Variants in DOCK7 observed in about 807,000 individuals in gnomAD.
DOCK7 encodes dedicator of cytokinesis 7, also known as dedicator of cytokinesis protein 7.
DOCK7 carries 138 observed loss-of-function variants against 271.0 expected under a neutral mutation model. That is an observed-to-expected ratio of 0.51 (90% CI 0.44 to 0.59). The LOEUF (loss-of-function observed/expected upper bound fraction) is 0.59. DOCK7 is among the 20% of genes least tolerant of loss of function. The pLI is 0.00. For synonymous variants in DOCK7, 823 were observed against 876.1 expected (o/e 0.94, Z 1.07); for missense variants, 2,066 against 2,592.4 (o/e 0.80, Z 4.41).
intron 20 of DOCK7, among the ~76,000 whole-genome samples, chr1:62,556,683 A>T (rs1403225571): frequency 1.3e-5 from 2 of 152,224 alleles, no homozygotes; most frequent in African/African-American, 2.4e-5. Flanking sequence ...ATAAATGGGT[A>T]AACTGAACAG....
intron 15 of DOCK7, chr1:62,584,700 G>A: frequency 8.1e-7 from 1 of 1,241,070 alleles, no homozygotes; most frequent in Admixed American, 2.5e-5. Context: ...CAGGAGTCAA[G>A]ATATAGACAT....
At chr1:62,643,587 G>A (rs981585434) in intron 7 of DOCK7, among the ~76,000 whole-genome samples, 1 of 151,914 alleles carries the variant, frequency 6.6e-6, no homozygotes, top group Non-Finnish European at 1.5e-5. Flanking sequence ...ACTATGTTTA[G>A]TCTGGATATG....
chr1:62,630,046 C>T (rs1222672405), intron 11 of DOCK7, among the ~76,000 whole-genome samples: 8 of 152,188 alleles, frequency 5.3e-5, no homozygotes, highest in Admixed American at 5.2e-4. Context: ...CACCCGACAG[C>T]AGTAACTTAA....
intron 22 of DOCK7, among the ~76,000 whole-genome samples, chr1:62,549,398 T>C (rs1251802021): frequency 6.6e-6 from 1 of 152,040 alleles, no homozygotes; most frequent in East Asian, 1.9e-4. Flanking sequence ...GAACTGCAGA[T>C]AGCAAGTAAA....
chr1:62,494,882 A>G (rs1342928443), intron 39 of DOCK7: 1 of 154,264 alleles, frequency 6.5e-6, no homozygotes, highest in Non-Finnish European at 1.4e-5. Flanking sequence ...ATGAACCCCA[A>G]AACTGCAGGA....
At chr1:62,543,277 A>G (rs1184030253) in intron 24 of DOCK7, 1 of 166,240 alleles carries the variant, frequency 6.0e-6, no homozygotes, top group Non-Finnish European at 1.3e-5. Context: ...GCAAATCAAC[A>G]TATCTTACTA....
intron 37 of DOCK7, among the ~76,000 whole-genome samples, chr1:62,498,026 G>A (rs1172841421): frequency 6.6e-6 from 1 of 151,656 alleles, no homozygotes; most frequent in African/African-American, 2.4e-5. Flanking sequence ...AGTTTGGGAG[G>A]CCAAGACAGG....
chr1:62,460,821 T>A (rs2149228808), intron 48 of DOCK7: 1 of 152,274 alleles, frequency 6.6e-6, no homozygotes. Context: ...CATGCCCGGC[T>A]AATTTTTGTA....
chr1:62,606,261 A>G (rs911656148), intron 14 of DOCK7: 1 of 151,958 alleles, frequency 6.6e-6, no homozygotes, highest in Non-Finnish European at 1.5e-5. Context: ...ACAATTTCAA[A>G]TGCAAAATAA....
At chr1:62,669,862 T>C (rs1284484959) in intron 1 of DOCK7, among the ~76,000 whole-genome samples, 2 of 152,202 alleles carry the variant, frequency 1.3e-5, no homozygotes, top group African/African-American at 4.8e-5. Flanking sequence ...CGGAGCCCAC[T>C]CCCTCAGCTT....
At chr1:62,494,667 G>GA in intron 39 of DOCK7, 200 bp from the exon 40 acceptor site, 1 of 383,130 alleles carries the variant, frequency 2.6e-6, no homozygotes, top group Non-Finnish European at 4.6e-6. Context: ...CAGTTGGTGG[G>GA]GGGGGCAGGA....
intron 11 of DOCK7, among the ~76,000 whole-genome samples, chr1:62,625,903 A>C (rs1373079519): frequency 1.3e-5 from 2 of 152,326 alleles, no homozygotes; most frequent in Middle Eastern, 3.4e-3. Flanking sequence ...GGACATTTAC[A>C]CTACACTAAA....
chr1:62,543,618 AT>A (rs764927140), intron 24 of DOCK7, 37 bp downstream of exon 24: 17 of 1,463,296 alleles, frequency 1.2e-5, no homozygotes, highest in South Asian at 7.2e-5. Flanking sequence ...TGGTGAAATT[AT>A]TTTCCCCCTC....
intron 49 of DOCK7, 109 bp from the exon 50 acceptor site, chr1:62,455,565 A>T: frequency 1.0e-6 from 1 of 997,834 alleles, no homozygotes; most frequent in Non-Finnish European, 1.5e-6. Flanking sequence ...TTTTGCCACC[A>T]TTTCTTACTA....
intron 14 of DOCK7, 106 bp downstream of exon 14, chr1:62,618,600 G>C: frequency 9.9e-7 from 1 of 1,010,944 alleles, no homozygotes. Flanking sequence ...ATAGAGTTAA[G>C]TAACAAAACT....
At chr1:62,636,503 G>T in intron 8 of DOCK7, 34 bp downstream of exon 8, 1 of 1,506,774 alleles carries the variant, frequency 6.6e-7, no homozygotes, top group South Asian at 1.2e-5. Flanking sequence ...CAATGATTAT[G>T]ACAAATAACT....
chr1:62,644,561 T>G (rs1400835796), intron 7 of DOCK7, among the ~76,000 whole-genome samples: 1 of 152,220 alleles, frequency 6.6e-6, no homozygotes, highest in Non-Finnish European at 1.5e-5. Context: ...TAGCATTTCT[T>G]GGCTAAATTC....
chr1:62,639,176 A>G (rs1014511997), intron 7 of DOCK7, among the ~76,000 whole-genome samples: 1 of 151,960 alleles, frequency 6.6e-6, no homozygotes, highest in Admixed American at 6.6e-5. Flanking sequence ...AAGTTCTTCA[A>G]AACTGTCCTG....
intron 22 of DOCK7, among the ~76,000 whole-genome samples, chr1:62,548,452 G>C (rs1645784638): frequency 6.9e-6 from 1 of 144,150 alleles, no homozygotes; most frequent in Non-Finnish European, 1.5e-5. Context: ...ACAGAGTCTA[G>C]CTCTGTTGCC....
Sources: gnomAD v4.1 joint callset for allele counts (sites outside exome capture counted in the v4.1 genomes callset) on GRCh38, gnomAD v4.1.1 for gene constraint, MANE v1.5 for transcripts, NCBI Gene and HGNC (gene_info 2026-07-23, HGNC 2026-07-21) for gene names.